Variants in CSMD3 observed in about 807,000 individuals in gnomAD.
CSMD3 encodes CUB and sushi domain-containing protein 3.
In CSMD3, 177 loss-of-function variants were observed where a neutral mutation model predicts 435.2. That is an observed-to-expected ratio of 0.41 (90% CI 0.36 to 0.46). The LOEUF is 0.46. Ranked by LOEUF, CSMD3 falls within the 20% of genes least tolerant of loss-of-function variation. The pLI is 0.34. For synonymous variants in CSMD3, 1,656 were observed against 1,520.5 expected, an observed-to-expected ratio of 1.09 and a Z score of -2.07; for missense variants, 4,265 against 4,504.6, an observed-to-expected ratio of 0.95 and a Z score of 1.52.
At chr8:112,585,211 C>T (rs1830631407) in intron 23 of CSMD3, among the ~76,000 whole-genome samples, 1 of 151,138 alleles carries the variant, frequency 6.6e-6, no homozygotes, top group African/African-American at 2.4e-5. Context: ...TCAGGCAAGC[C>T]TATGAATAGA....
chr8:113,406,008 T>C (rs1375702008), intron 1 of CSMD3, among the ~76,000 whole-genome samples: 4 of 151,822 alleles, frequency 2.6e-5, no homozygotes, highest in African/African-American at 9.7e-5. Flanking sequence ...CTTGCAATCA[T>C]TGTCATCACC....
intron 10 of CSMD3, among the ~76,000 whole-genome samples, chr8:112,900,590 C>A (rs927369581): frequency 2.0e-5 from 3 of 151,260 alleles, no homozygotes; most frequent in Admixed American, 6.6e-5. Context: ...ACCCAGGCAC[C>A]TTTTGACTAC....
intron 4 of CSMD3, among the ~76,000 whole-genome samples, chr8:113,156,983 T>A (rs2091947656): frequency 6.6e-6 from 1 of 151,680 alleles, no homozygotes; most frequent in Admixed American, 6.6e-5. Context: ...AGAGATGGTT[T>A]GTTTGTATTG....
intron 13 of CSMD3, among the ~76,000 whole-genome samples, chr8:112,783,714 G>T (rs962651065): frequency 6.6e-6 from 1 of 151,454 alleles, no homozygotes; most frequent in Non-Finnish European, 1.5e-5. Context: ...CACTTACAAA[G>T]ATACACATGG....
intron 53 of CSMD3, among the ~76,000 whole-genome samples, chr8:112,298,529 T>G (rs1228476458): frequency 6.6e-6 from 1 of 152,098 alleles, no homozygotes; most frequent in Non-Finnish European, 1.5e-5. Flanking sequence ...AAAGATGTTA[T>G]TAAAAAATGA....
chr8:112,232,932 T>C (rs893475258), intron 68 of CSMD3, among the ~76,000 whole-genome samples: 2 of 152,150 alleles, frequency 1.3e-5, no homozygotes, highest in Non-Finnish European at 2.9e-5. Context: ...TACCACAGCC[T>C]CAAGTAGTGC....
intron 2 of CSMD3, among the ~76,000 whole-genome samples, chr8:113,302,080 T>C (rs2093773228): frequency 1.3e-5 from 2 of 151,250 alleles, no homozygotes; most frequent in Admixed American, 6.6e-5. Context: ...AAAAATGCTA[T>C]AGTTGAAAAA....
rs749586147 is a variant in CSMD3 at position 113,436,822 on chromosome 8, T to G, written c.33A>C (p.Ala11=). 6.2e-7 allele frequency: 1 copy of G among 1,614,232 alleles called. No homozygotes were observed. The part of the protein sequence containing the change: MKGIRKGESR[A]KESKPWEPGK... Reference sequence around the variant, plus strand: ...CAGGCTCCCAGGGTTTGGATTCCTTTGCTCGGCTTTCCCCTTTGCGGATCC... The same window carrying G: ...CAGGCTCCCAGGGTTTGGATTCCTTGGCTCGGCTTTCCCCTTTGCGGATCC... The change falls in exon 1 of 71, where the codon GCA becomes GCC. Residue 11 remains alanine, a synonymous_variant. Transcript: ENST00000297405.
intron 9 of CSMD3, among the ~76,000 whole-genome samples, chr8:112,939,612 A>G (rs1178870113): frequency 6.6e-6 from 1 of 152,096 alleles, no homozygotes; most frequent in African/African-American, 2.4e-5. Flanking sequence ...TTGTTTTGTA[A>G]AAAATACTAA....
intron 22 of CSMD3, among the ~76,000 whole-genome samples, chr8:112,624,138 C>T (rs1834297240): frequency 6.6e-6 from 1 of 151,958 alleles, no homozygotes; most frequent in Admixed American, 6.6e-5. Context: ...AATGTTGTAA[C>T]AACATATTAT....
Position 112,234,409 on chromosome 8 carries a change from AAG to A in CSMD3, c.10694_10695del (p.Ala3565ValfsTer19), listed in dbSNP as rs1813377765. The A allele has an allele frequency of 6.2e-7, 1 of 1,613,314 alleles. No individual in the cohort carries two copies. Among genetic ancestry groups the A allele is most frequent in the Non-Finnish European group, 8.5e-7 (1 of 1,179,668 alleles). ...TTTTCTTCCTTCATTTTCTTCACAG[AAG>A]CATGAGCAGGTACTTTAATAAGATA... The part of the protein sequence containing the change: ...RIYLIKVPAH[A>X]SVKKMKEENW... On this transcript the variant is annotated frameshift_variant, in exon 68 of 71. Coordinates refer to ENST00000297405, the MANE Select transcript of CSMD3 (RefSeq NM_198123.2). LOFTEE classifies it high-confidence loss of function.
intron 11 of CSMD3, among the ~76,000 whole-genome samples, chr8:112,853,160 G>T (rs1042739451): frequency 6.6e-6 from 1 of 152,058 alleles, no homozygotes; most frequent in African/African-American, 2.4e-5. Flanking sequence ...AAATATGCAA[G>T]AATATTTTCA....
chr8:113,041,205 T>TA (rs1311041503), intron 5 of CSMD3, among the ~76,000 whole-genome samples: 1,114 of 74,658 alleles, frequency 0.015, 7 homozygotes, highest in Non-Finnish European at 0.017. Flanking sequence ...GACTCCGTCT[T>TA]AAAAAAAAAA....
intron 9 of CSMD3, among the ~76,000 whole-genome samples, chr8:112,929,908 T>G (rs2083051327): frequency 6.6e-6 from 1 of 152,110 alleles, no homozygotes; most frequent in Non-Finnish European, 1.5e-5. Flanking sequence ...CATTTGAATA[T>G]AATAAAGCTT....
intron 1 of CSMD3, among the ~76,000 whole-genome samples, chr8:113,357,755 A>C (rs1382099512): frequency 1.3e-5 from 2 of 152,168 alleles, no homozygotes; most frequent in African/African-American, 4.8e-5. Context: ...TGCTGTTGTC[A>C]TGATAGCAAG....
At chr8:112,357,846 T>G (rs547865185) in intron 38 of CSMD3, among the ~76,000 whole-genome samples, 2 of 152,140 alleles carry the variant, frequency 1.3e-5, no homozygotes, top group African/African-American at 4.8e-5. Context: ...TCTGATAGGG[T>G]AGTGTGGAAG....
chr8:112,979,730 C>T (rs1426529354), intron 6 of CSMD3, among the ~76,000 whole-genome samples: 1 of 151,216 alleles, frequency 6.6e-6, no homozygotes, highest in Non-Finnish European at 1.5e-5. Context: ...AGGAAGAAAA[C>T]GTACATTCAG....
At chr8:113,378,171 C>T (rs966307938) in intron 1 of CSMD3, among the ~76,000 whole-genome samples, 2 of 152,070 alleles carry the variant, frequency 1.3e-5, no homozygotes, top group African/African-American at 4.8e-5. Context: ...CTTGGTATGA[C>T]AATTTTGCTA....
At chr8:112,883,084 G>T (rs2081492201) in intron 10 of CSMD3, among the ~76,000 whole-genome samples, 1 of 152,012 alleles carries the variant, frequency 6.6e-6, no homozygotes, top group Non-Finnish European at 1.5e-5. Context: ...TGGCCATCTG[G>T]CAAGCAGATG....
Sources: gnomAD v4.1 joint callset for allele counts (sites outside exome capture counted in the v4.1 genomes callset) on GRCh38, gnomAD v4.1.1 for gene constraint, MANE v1.5 for transcripts, NCBI Gene and HGNC (gene_info 2026-07-23, HGNC 2026-07-21) for gene names.